The following ACCSL variants were observed in gnomAD, a reference collection of about 807,000 sequenced individuals.
The protein encoded by ACCSL is 1-aminocyclopropane-1-carboxylate synthase homolog (inactive) like.
Under a neutral mutation model 61.7 loss-of-function variants are expected in ACCSL, and 55 were observed. The ratio of observed to expected loss-of-function variants is 0.89; its 90% confidence interval spans 0.72 to 1.12. ACCSL has a LOEUF of 1.12. Ranked by LOEUF, ACCSL falls within the 50% of genes most tolerant of loss-of-function variation. ACCSL has a pLI of 0.00. For synonymous variants in ACCSL, 258 were observed against 264.3 expected (o/e 0.98, Z 0.23); for missense variants, 632 against 698.0 (o/e 0.91, Z 1.07).
the ACCSL span, among the ~76,000 whole-genome samples, chr11:43,934,354 C>G: frequency 2.0e-5 from 3 of 152,148 alleles, no homozygotes; most frequent in African/African-American, 7.2e-5. Context: ...AGGTGAGGGC[C>G]GGGACAGGGG....
At chr11:44,015,815 T>A in the ACCSL span, among the ~76,000 whole-genome samples, 1 of 152,254 alleles carries the variant, frequency 6.6e-6, no homozygotes, top group Non-Finnish European at 1.5e-5. Context: ...ATTTAAGCTT[T>A]CTGAGCCTCA....
At chr11:43,948,204 C>T in the ACCSL span, among the ~76,000 whole-genome samples, 6 of 152,170 alleles carry the variant, frequency 3.9e-5, 1 homozygote, top group Admixed American at 3.9e-4. Context: ...AAGGGCTGCC[C>T]ATGAGCCCAG....
intron 9 of ACCSL, among the ~76,000 whole-genome samples, 167 bp from the exon 10 acceptor site, chr11:44,055,873 C>G (rs1169071373): frequency 6.6e-6 from 1 of 152,232 alleles, no homozygotes; most frequent in Admixed American, 6.5e-5. Context: ...TTCAGGAATA[C>G]CTTGTGTTGA....
upstream of ACCSL, among the ~76,000 whole-genome samples, chr11:44,044,971 A>G (rs1952590132): frequency 6.6e-6 from 1 of 152,166 alleles, no homozygotes. Flanking sequence ...TGAGGAGAGG[A>G]TTGGTATACC....
At chr11:44,035,134 T>C in the ACCSL span, among the ~76,000 whole-genome samples, 1 of 152,140 alleles carries the variant, frequency 6.6e-6, no homozygotes, top group Non-Finnish European at 1.5e-5. Context: ...CCTACCTAAA[T>C]AGCACCCCCT....
the ACCSL span, among the ~76,000 whole-genome samples, chr11:43,993,957 T>C: frequency 6.6e-6 from 1 of 152,176 alleles, no homozygotes; most frequent in Non-Finnish European, 1.5e-5. Flanking sequence ...TGCATATCCC[T>C]GTAGAGTGGT....
the ACCSL span, among the ~76,000 whole-genome samples, chr11:43,979,877 A>G: frequency 6.6e-6 from 1 of 151,596 alleles, no homozygotes; most frequent in African/African-American, 2.4e-5. Context: ...AAAAGAAAAA[A>G]AAATTGGCAA....
At chr11:43,937,422 C>T in the ACCSL span, among the ~76,000 whole-genome samples, 1 of 152,222 alleles carries the variant, frequency 6.6e-6, no homozygotes, top group Non-Finnish European at 1.5e-5. Context: ...CTCTGCAGGG[C>T]AGACAGTCAA....
At chr11:43,975,176 C>T in the ACCSL span, among the ~76,000 whole-genome samples, 2 of 151,614 alleles carry the variant, frequency 1.3e-5, no homozygotes, top group Non-Finnish European at 2.9e-5. Context: ...TGGAGGCTGC[C>T]AGTGAGGGAA....
At chr11:43,970,736 G>A in the ACCSL span, among the ~76,000 whole-genome samples, 13 of 152,280 alleles carry the variant, frequency 8.5e-5, no homozygotes, top group African/African-American at 2.2e-4. Context: ...TTATGTTGGT[G>A]TAGGCTCATG....
the ACCSL span, among the ~76,000 whole-genome samples, chr11:43,927,581 G>A: frequency 2.6e-3 from 400 of 152,328 alleles, 1 homozygote; most frequent in African/African-American, 9.3e-3. Flanking sequence ...GTGGCTGGGT[G>A]CAGTCCTGTA....
chr11:44,017,881 A>C, the ACCSL span, among the ~76,000 whole-genome samples: 2 of 152,042 alleles, frequency 1.3e-5, no homozygotes, highest in South Asian at 4.1e-4. Flanking sequence ...GCTACTGGGC[A>C]CTGGGAAGAG....
the ACCSL span, among the ~76,000 whole-genome samples, chr11:44,015,508 G>A: frequency 1.3e-5 from 2 of 151,918 alleles, no homozygotes; most frequent in Non-Finnish European, 2.9e-5. Flanking sequence ...AGTCCTTCCT[G>A]CTTCACTAAA....
the ACCSL span, among the ~76,000 whole-genome samples, chr11:43,973,616 A>G: frequency 1.3e-5 from 2 of 152,146 alleles, no homozygotes; most frequent in Admixed American, 6.5e-5. Flanking sequence ...TGATTGCATT[A>G]ATATACAAGG....
At chr11:44,009,029 ATG>A in the ACCSL span, among the ~76,000 whole-genome samples, 1 of 152,074 alleles carries the variant, frequency 6.6e-6, no homozygotes, top group Non-Finnish European at 1.5e-5. Context: ...TTAGCCAGGC[ATG>A]GTGGCATGTA....
At chr11:43,981,096 AAAAC>A in the ACCSL span, among the ~76,000 whole-genome samples, 10 of 151,542 alleles carry the variant, frequency 6.6e-5, no homozygotes, top group Non-Finnish European at 1.0e-4. Flanking sequence ...ATGGGGCAGG[AAAAC>A]AAACAAACAA....
chr11:44,036,341 G>T, the ACCSL span, among the ~76,000 whole-genome samples: 1 of 152,224 alleles, frequency 6.6e-6, no homozygotes, highest in Non-Finnish European at 1.5e-5. Flanking sequence ...CTGCAGTCAG[G>T]CCCAAGCAAG....
chr11:43,957,833 T>C, the ACCSL span, among the ~76,000 whole-genome samples: 1 of 152,220 alleles, frequency 6.6e-6, no homozygotes, highest in Non-Finnish European at 1.5e-5. Flanking sequence ...AAGGCATGTG[T>C]GACCGCCCCC....
At chr11:44,030,567 T>G in the ACCSL span, among the ~76,000 whole-genome samples, 1 of 152,142 alleles carries the variant, frequency 6.6e-6, no homozygotes, top group African/African-American at 2.4e-5. Flanking sequence ...CAGGGGATTT[T>G]TTTTGGATCC....
Sources: allele counts gnomAD v4.1 joint callset (sites outside exome capture counted in the v4.1 genomes callset), GRCh38; gene constraint gnomAD v4.1.1; transcripts MANE v1.5; gene names NCBI Gene and HGNC (gene_info 2026-07-23, HGNC 2026-07-21).